SUGCT: variants seen among roughly 807,000 people sequenced by gnomAD.
The protein encoded by SUGCT is succinyl-CoA:glutarate CoA-transferase.
SUGCT carries 41 observed loss-of-function variants against 55.0 expected under a neutral mutation model. The observed-to-expected ratio is 0.74, with a 90% confidence interval of 0.58 to 0.97. SUGCT has a LOEUF of 0.97. Ranked by LOEUF, SUGCT falls within the 50% of genes least tolerant of loss-of-function variation. SUGCT has a pLI of 0.00. For synonymous variants in SUGCT, 187 were observed against 200.4 expected, an observed-to-expected ratio of 0.93 and a Z score of 0.56; for missense variants, 568 against 547.8, an observed-to-expected ratio of 1.04 and a Z score of -0.37.
intron 7 of SUGCT, among the ~76,000 whole-genome samples, chr7:40,267,618 CT>C (rs1791685075): frequency 6.6e-6 from 1 of 152,108 alleles, no homozygotes; most frequent in African/African-American, 2.4e-5. Context: ...TTTAGTACTG[CT>C]ATAGCAGCAG....
At chr7:40,339,134 G>A (rs1001881830) in intron 9 of SUGCT, among the ~76,000 whole-genome samples, 13 of 152,170 alleles carry the variant, frequency 8.5e-5, no homozygotes, top group African/African-American at 2.7e-4. Context: ...GTACCCAGCC[G>A]TGTGAGGTGT....
At chr7:40,383,297 A>G (rs755496936) in intron 9 of SUGCT, among the ~76,000 whole-genome samples, 3 of 152,192 alleles carry the variant, frequency 2.0e-5, no homozygotes, top group African/African-American at 7.2e-5. Flanking sequence ...TCAGATGAAG[A>G]AACTAGAATC....
Position 40,245,926 on chromosome 7 carries a change from C to A in SUGCT, c.576+8200C>A, listed in dbSNP as rs185024218. On this transcript the variant is annotated intron_variant, in intron 7 of 13. Transcript: ENST00000335693. ...TGGTGCGATTATGGCTCACTGCAGT[C>A]TGGGCTGAATCGATCCTCCCATGTC... Among the ~76,000 whole-genome samples the A allele has an allele frequency of 1.9e-4, 29 of 152,042 alleles. No homozygotes were observed. In the South Asian group the frequency reaches 6.0e-3, roughly 32 times the overall value.
chr7:40,833,692 A>G (rs1006687224), intron 13 of SUGCT, among the ~76,000 whole-genome samples: 1 of 152,186 alleles, frequency 6.6e-6, no homozygotes, highest in African/African-American at 2.4e-5. Flanking sequence ...CAGGTGCTGC[A>G]AATTTTCCTC....
At chr7:40,680,469 T>G (rs1784185649) in intron 12 of SUGCT, among the ~76,000 whole-genome samples, 1 of 152,036 alleles carries the variant, frequency 6.6e-6, no homozygotes, top group African/African-American at 2.4e-5. Flanking sequence ...ACCAAATGTT[T>G]AAGAAAGGAT....
intron 5 of SUGCT, among the ~76,000 whole-genome samples, chr7:40,193,637 C>T (rs1786075235): frequency 6.7e-6 from 1 of 148,882 alleles, no homozygotes; most frequent in South Asian, 2.1e-4. Flanking sequence ...CTCACTCTGT[C>T]ACCCAGGCTG....
chr7:40,737,117 G>C (rs1787202054), intron 12 of SUGCT, among the ~76,000 whole-genome samples: 1 of 152,166 alleles, frequency 6.6e-6, no homozygotes, highest in Non-Finnish European at 1.5e-5. Context: ...CAGGGGCACT[G>C]CAGGATGTTT....
At chr7:40,623,458 C>A (rs1172861090) in intron 12 of SUGCT, among the ~76,000 whole-genome samples, 1 of 152,102 alleles carries the variant, frequency 6.6e-6, no homozygotes, top group African/African-American at 2.4e-5. Context: ...TCTCATTTTT[C>A]TGTATTCTAC....
intron 9 of SUGCT, among the ~76,000 whole-genome samples, chr7:40,336,199 C>A (rs1796692141): frequency 6.6e-6 from 1 of 152,140 alleles, no homozygotes; most frequent in African/African-American, 2.4e-5. Flanking sequence ...GGATATTGGT[C>A]TAAGATTCTC....
rs1261783082 is a variant in SUGCT at position 40,670,017 on chromosome 7, GAC to G, written c.1090-79413_1090-79412del. On this transcript the variant is annotated intron_variant, in intron 12 of 13. Transcript: ENST00000335693. ...ATAATACTGAAAACTAAAAACTAAA[GAC>G]ACAGAAAAAAATATTGAAAACAACT... Among the ~76,000 whole-genome samples the G allele has an allele frequency of 9.3e-5, 14 of 151,142 alleles. No individual in the cohort carries two copies. The East Asian group carries it at 1.9e-3, about 21-fold the overall frequency.
rs183531585 is a variant in SUGCT at position 40,490,473 on chromosome 7, G to A, written c.987-5811G>A. 1.1e-3 allele frequency among the ~76,000 whole-genome samples: 166 copies of A among 152,302 alleles called. 1 individual carries two copies. The highest frequency in any genetic ancestry group is 3.8e-3 in the African/African-American group (159 of 41,572). On this transcript the variant is annotated intron_variant, in intron 11 of 13. Transcript: ENST00000335693. ...GTGAATGTAGGGCAATTCACAGTGTGTGGTGCTGTTTTGGCTTGGGAGAGA... is the reference window on the plus strand; with the variant it reads ...GTGAATGTAGGGCAATTCACAGTGTATGGTGCTGTTTTGGCTTGGGAGAGA...
At chr7:40,289,738 T>C (rs947891993) in intron 8 of SUGCT, among the ~76,000 whole-genome samples, 7 of 152,268 alleles carry the variant, frequency 4.6e-5, no homozygotes, top group East Asian at 3.9e-4. Flanking sequence ...GATGACATGA[T>C]TGTATATCTA....
intron 12 of SUGCT, among the ~76,000 whole-genome samples, chr7:40,637,346 C>T (rs2151818567): frequency 6.6e-6 from 1 of 152,280 alleles, no homozygotes; most frequent in African/African-American, 2.4e-5. Context: ...GGTGTCTTGC[C>T]ACACAAGGCA....
At chr7:40,215,749 C>A (rs1387985786) in intron 6 of SUGCT, among the ~76,000 whole-genome samples, 1 of 151,928 alleles carries the variant, frequency 6.6e-6, no homozygotes, top group African/African-American at 2.4e-5. Flanking sequence ...GTAGTCCCAG[C>A]TACTTGGGAG....
chr7:40,415,126 C>T (rs1226495531), intron 9 of SUGCT, among the ~76,000 whole-genome samples: 4 of 138,992 alleles, frequency 2.9e-5, no homozygotes, highest in East Asian at 2.1e-4. Context: ...ATAAAATTAG[C>T]GGGGCGTGGT....
At chr7:40,956,788 G>A in the SUGCT span, among the ~76,000 whole-genome samples, 1 of 152,062 alleles carries the variant, frequency 6.6e-6, no homozygotes, top group Non-Finnish European at 1.5e-5. Context: ...CACTGCTTTT[G>A]CTGTGTCCCA....
chr7:40,337,340 C>T (rs1160008709), intron 9 of SUGCT, among the ~76,000 whole-genome samples: 3 of 152,150 alleles, frequency 2.0e-5, no homozygotes, highest in Admixed American at 2.0e-4. Context: ...CTAATGTTGA[C>T]AGTGGGGTGT....
the SUGCT span, among the ~76,000 whole-genome samples, chr7:40,981,111 A>G: frequency 6.6e-6 from 1 of 152,052 alleles, no homozygotes; most frequent in Non-Finnish European, 1.5e-5. Context: ...CTCTGCCCAC[A>G]CATGCTTCTG....
intron 13 of SUGCT, among the ~76,000 whole-genome samples, chr7:40,784,680 T>A (rs1228121487): frequency 1.3e-5 from 2 of 152,170 alleles, no homozygotes; most frequent in East Asian, 3.9e-4. Flanking sequence ...TTGAGAATGT[T>A]AAACAATGTT....
Sources: allele counts gnomAD v4.1 joint callset (sites outside exome capture counted in the v4.1 genomes callset), GRCh38; gene constraint gnomAD v4.1.1; transcripts MANE v1.5; gene names NCBI Gene and HGNC (gene_info 2026-07-23, HGNC 2026-07-21).